ZNF577: variants seen among roughly 807,000 people sequenced by gnomAD.
ZNF577 encodes the protein zinc finger protein 577.
ZNF577 carries 14 observed loss-of-function variants against 13.9 expected under a neutral mutation model. That is an observed-to-expected ratio of 1.00 (90% confidence interval 0.66 to 1.57). The LOEUF (loss-of-function observed/expected upper bound fraction) is 1.57. Ranked by LOEUF, ZNF577 falls within the 40% of genes most tolerant of loss-of-function variation. The probability of loss-of-function intolerance (pLI) is 0.00; values close to 1 mark genes in which losing one functional copy is unlikely to be tolerated. For missense variants in ZNF577, 555 were observed against 579.2 expected (o/e 0.96, Z 0.43); for synonymous variants, 203 against 202.9 (o/e 1.00, Z 0.00).
At chr19:51,832,403 T>C (rs1297795813) in intron 9 of ZNF577, among the ~76,000 whole-genome samples, 1 of 151,470 alleles carries the variant, frequency 6.6e-6, no homozygotes, top group Non-Finnish European at 1.5e-5. Flanking sequence ...TTTCCCAGGC[T>C]AGAGTGCAGT....
At chr19:51,878,353 G>GA in intron 4 of ZNF577, 36 bp downstream of exon 4, 1 of 1,607,730 alleles carries the variant, frequency 6.2e-7, no homozygotes, top group Non-Finnish European at 8.5e-7. Flanking sequence ...CACCAAATAA[G>GA]AAAGAAAAGG....
At chr19:51,814,962 A>C (rs1320124191) in intron 9 of ZNF577, among the ~76,000 whole-genome samples, 1 of 151,500 alleles carries the variant, frequency 6.6e-6, no homozygotes, top group African/African-American at 2.4e-5. Flanking sequence ...GCCGCCTGCC[A>C]CCACGTCTGG....
chr19:51,814,960 C>A (rs1004541296), intron 9 of ZNF577, among the ~76,000 whole-genome samples: 2 of 151,952 alleles, frequency 1.3e-5, no homozygotes, highest in African/African-American at 4.8e-5. Flanking sequence ...CAGCCGCCTG[C>A]CACCACGTCT....
intron 9 of ZNF577, among the ~76,000 whole-genome samples, chr19:51,813,983 A>G (rs950355196): frequency 6.6e-6 from 1 of 152,210 alleles, no homozygotes; most frequent in African/African-American, 2.4e-5. Context: ...AGCCCCTGGA[A>G]GAAAGCCAAT....
At chr19:51,829,072 C>A (rs980001497) in intron 9 of ZNF577, among the ~76,000 whole-genome samples, 6 of 152,134 alleles carry the variant, frequency 3.9e-5, no homozygotes, top group African/African-American at 1.4e-4. Flanking sequence ...GTATAAGTTG[C>A]AAAGTCCTGG....
At chr19:51,845,111 C>A (rs2084343646) in intron 5 of ZNF577, among the ~76,000 whole-genome samples, 1 of 152,128 alleles carries the variant, frequency 6.6e-6, no homozygotes, top group Non-Finnish European at 1.5e-5. Flanking sequence ...ATGGCTAAAT[C>A]AAACTAATTA....
At chr19:51,880,164 T>C (rs1376526143) in intron 3 of ZNF577, among the ~76,000 whole-genome samples, 159 bp downstream of exon 3, 2 of 152,204 alleles carry the variant, frequency 1.3e-5, no homozygotes, top group Non-Finnish European at 2.9e-5. Context: ...CAGTTTTCCT[T>C]TGGCATTACT....
At chr19:51,831,684 T>C (rs1313561646) in intron 9 of ZNF577, among the ~76,000 whole-genome samples, 1 of 152,218 alleles carries the variant, frequency 6.6e-6, no homozygotes, top group East Asian at 1.9e-4. Flanking sequence ...CTTCCCATCA[T>C]GCTAATAATA....
intron 4 of ZNF577, 149 bp from the exon 5 acceptor site, chr19:51,877,526 G>A (rs753176681): frequency 2.7e-4 from 171 of 623,424 alleles, no homozygotes; most frequent in Admixed American, 7.4e-4. Context: ...CTTCGTGCCA[G>A]GGAGGAAAAT....
At chr19:51,884,679 C>T (rs1052067218) in intron 1 of ZNF577, among the ~76,000 whole-genome samples, 2 of 152,170 alleles carry the variant, frequency 1.3e-5, no homozygotes, top group Middle Eastern at 3.4e-3. Flanking sequence ...AGGTGCTTTT[C>T]CATTGATTTT....
In ZNF577 at chr19:51,871,730, T is replaced by C. The variant is rs1228382328; in HGVS notation, c.*802A>G. 6.6e-6 allele frequency: 1 copy of C among 152,090 alleles called. No homozygotes were observed. The highest frequency in any genetic ancestry group is 1.9e-4 in the East Asian group (1 of 5,180). 9.4% of individuals were successfully genotyped at this position (152,090 alleles called of 1,614,324 possible). A position where few individuals can be genotyped will look rare whatever the true frequency, so the allele number is the denominator to read the frequency against. On this transcript the variant is annotated 3_prime_UTR_variant, in exon 6 of 6. Coordinates refer to ENST00000638348, the MANE Select transcript of ZNF577 (RefSeq NM_001370449.1). ...GAGGGAGACAGAACACTCAAGTGTT[T>C]GAGTGATGTAAGACTGATTGGCCAT...
chr19:51,877,349 G>A lies in ZNF577; in HGVS notation c.216C>T (p.Leu72=), dbSNP rs778967750. Residue 72 remains leucine (L), a synonymous_variant, in exon 5 of 6, where the codon CTC becomes CTT. Coordinates refer to ENST00000638348, the MANE Select transcript of ZNF577 (RefSeq NM_001370449.1). ...GGGGTTCTCCTTGCTCCAACTTGAA[G>A]AGCGAATCTGGCTTGGTGCCTCGAT... ...IGYRGTKPDS[L]FKLEQGEPPG... 30 of 1,614,030 alleles carry A rather than the reference G, an allele frequency of 1.9e-5. No individual in the cohort carries two copies. Among genetic ancestry groups the A allele is most frequent in the Non-Finnish European group, 2.3e-5 (27 of 1,180,026 alleles).
chr19:51,879,012 C>T (rs1007872561), intron 3 of ZNF577, among the ~76,000 whole-genome samples: 3 of 151,938 alleles, frequency 2.0e-5, no homozygotes, highest in African/African-American at 4.8e-5. Context: ...AATCTCAGTA[C>T]TTTGGGAGGC....
intron 4 of ZNF577, 39 bp downstream of exon 4, chr19:51,878,350 T>G: frequency 6.2e-7 from 1 of 1,607,320 alleles, no homozygotes; most frequent in Non-Finnish European, 8.5e-7. Context: ...GGTCACCAAA[T>G]AAGAAAGAAA....
At chr19:51,884,365 A>G (rs2084910076) in intron 1 of ZNF577, among the ~76,000 whole-genome samples, 2 of 152,262 alleles carry the variant, frequency 1.3e-5, no homozygotes, top group South Asian at 4.1e-4. Flanking sequence ...TGGATTTGCT[A>G]TGAAAGTCTC....
At chr19:51,836,519 C>G (rs1028306254) in intron 9 of ZNF577, among the ~76,000 whole-genome samples, 10 of 152,088 alleles carry the variant, frequency 6.6e-5, no homozygotes, top group Admixed American at 2.0e-4. Flanking sequence ...TTCTGAAAAA[C>G]GTCTATTCAT....
chr19:51,879,575 G>C (rs1255969555), intron 3 of ZNF577, among the ~76,000 whole-genome samples: 1 of 151,898 alleles, frequency 6.6e-6, no homozygotes, highest in Non-Finnish European at 1.5e-5. Flanking sequence ...AACTTGGGGG[G>C]AGAAAAAAAG....
intron 9 of ZNF577, among the ~76,000 whole-genome samples, chr19:51,815,421 A>G (rs1027034275): frequency 6.6e-6 from 1 of 152,108 alleles, no homozygotes; most frequent in Non-Finnish European, 1.5e-5. Context: ...TTAGCCAGGC[A>G]TGGTGATGTG....
rs757240717 is a variant in ZNF577 at position 51,871,439 on chromosome 19, T to G, written c.*1093A>C. 12 of 152,104 alleles carry G rather than the reference T, an allele frequency of 7.9e-5. No homozygotes were observed. The highest frequency in any genetic ancestry group is 1.6e-4 in the Non-Finnish European group (11 of 68,032). 9.4% of individuals were successfully genotyped at this position (152,104 alleles called of 1,614,324 possible). On this transcript the variant is annotated 3_prime_UTR_variant, in exon 6 of 6. Transcript: ENST00000638348. ...GCCAGGTAGGTTAATTTATATAATT[T>G]CAGAATAGATACAAATTTACGTTTA...
Sources: gnomAD v4.1 joint callset for allele counts (sites outside exome capture counted in the v4.1 genomes callset) on GRCh38, gnomAD v4.1.1 for gene constraint, MANE v1.5 for transcripts, NCBI Gene and HGNC (gene_info 2026-07-23, HGNC 2026-07-21) for gene names.